The following RTL9 variants were observed in gnomAD, a reference collection of about 807,000 sequenced individuals.
RTL9 encodes retrotransposon Gag like 9, also known as retrotransposon Gag-like protein 9.
A neutral mutation model predicts 44.7 loss-of-function variants in RTL9; 19 were observed. The observed-to-expected ratio is 0.42, with a 90% confidence interval of 0.30 to 0.62. The LOEUF (loss-of-function observed/expected upper bound fraction) is 0.62. Among genes scored for constraint, RTL9 ranks in the 20% least tolerant of loss-of-function variants. The pLI is 0.16. For missense variants in RTL9, 1,105 were observed against 1,080.6 expected (o/e 1.02, Z -0.32); for synonymous variants, 407 against 398.9 (o/e 1.02, Z -0.24).
intron 1 of RTL9, among the ~76,000 whole-genome samples, chrX:110,378,055 C>T (rs1192273587): frequency 9.3e-6 from 1 of 107,416 alleles, no homozygotes; most frequent in South Asian, 4.0e-4. Context: ...TCTCAAAAAC[C>T]TCTCATCTTT....
chrX:110,409,219 A>T (rs1461929592), intron 1 of RTL9, among the ~76,000 whole-genome samples: 2 of 110,751 alleles, frequency 1.8e-5, no homozygotes, highest in Non-Finnish European at 3.8e-5. Flanking sequence ...ACTTTTGATC[A>T]CCAAAAGAAG....
chrX:110,423,564 C>T (rs559706973), intron 1 of RTL9, among the ~76,000 whole-genome samples: 2 of 111,873 alleles, frequency 1.8e-5, no homozygotes, highest in Admixed American at 1.9e-4. Flanking sequence ...ACCACTTTAA[C>T]TCAGTTTTTC....
intron 1 of RTL9, among the ~76,000 whole-genome samples, chrX:110,427,001 G>T (rs982685372): frequency 3.6e-5 from 4 of 112,263 alleles, no homozygotes; most frequent in African/African-American, 1.3e-4. Flanking sequence ...AAACCCAAGA[G>T]TTGTAGTTCA....
At chrX:110,424,661 A>G (rs1412717688) in intron 1 of RTL9, among the ~76,000 whole-genome samples, 2 of 112,107 alleles carry the variant, frequency 1.8e-5, no homozygotes, top group African/African-American at 6.5e-5. Flanking sequence ...ATACACTTGA[A>G]TTTATTAAAT....
intron 1 of RTL9, among the ~76,000 whole-genome samples, chrX:110,363,674 T>G (rs1436168191): frequency 9.0e-6 from 1 of 110,928 alleles, no homozygotes; most frequent in Non-Finnish European, 1.9e-5. Context: ...ACTGACACAT[T>G]TATTGACTTT....
chrX:110,386,947 A>G (rs2068459893), intron 1 of RTL9, among the ~76,000 whole-genome samples: 1 of 112,348 alleles, frequency 8.9e-6, no homozygotes. Context: ...CACAACAGAA[A>G]AGATGCCACA....
chrX:110,439,936 G>A (rs2068867794), intron 1 of RTL9: 1 of 110,683 alleles, frequency 9.0e-6, no homozygotes, highest in African/African-American at 3.3e-5. Flanking sequence ...ACAGGCTCCC[G>A]AATGCCTGCC....
exon 1 of RTL9, chrX:110,453,877 C>G (rs750041588): frequency 5.0e-6 from 6 of 1,212,024 alleles, no homozygotes; most frequent in Non-Finnish European, 5.6e-6. Flanking sequence ...ACACCACAGA[C>G]AGCCTTTGGA....
At chrX:110,382,678 C>T (rs916933271) in intron 1 of RTL9, among the ~76,000 whole-genome samples, 3 of 111,390 alleles carry the variant, frequency 2.7e-5, no homozygotes, top group South Asian at 7.6e-4. Context: ...TCTTAGAGTC[C>T]TCTCTTTTTC....
At chrX:110,455,139 G>C in intron 1 of RTL9, 63 bp from the exon 4 acceptor site, 2 of 1,191,723 alleles carry the variant, frequency 1.7e-6, no homozygotes, top group Non-Finnish European at 2.3e-6. Flanking sequence ...ACTTATCCAG[G>C]CAGAACACCC....
At chrX:110,376,709 C>T (rs1345286451) in intron 1 of RTL9, among the ~76,000 whole-genome samples, 1 of 112,529 alleles carries the variant, frequency 8.9e-6, no homozygotes, top group Non-Finnish European at 1.9e-5. Flanking sequence ...CTGGCAATTA[C>T]TAGCTAGCTA....
intron 1 of RTL9, among the ~76,000 whole-genome samples, chrX:110,396,673 T>G (rs2068531123): frequency 8.9e-6 from 1 of 112,400 alleles, no homozygotes; most frequent in Non-Finnish European, 1.9e-5. Context: ...CAAAGAAGAA[T>G]GGCGACACAC....
chrX:110,427,319 C>T (rs140545987), intron 1 of RTL9, among the ~76,000 whole-genome samples: 194 of 112,165 alleles, frequency 1.7e-3, no homozygotes, highest in African/African-American at 5.9e-3. Context: ...CCTCACAACA[C>T]CTGAGACTTG....
rs150336145 is a variant in RTL9, at chrX:110,442,374, G to A, written c.-167-2779G>A. Among the ~76,000 whole-genome samples, 288 of 109,375 alleles carry A rather than the reference G, an allele frequency of 2.6e-3. 4 individuals carry two copies. Among genetic ancestry groups the A allele is most frequent in the African/African-American group, 8.7e-3 (262 of 30,015 alleles). 95.0% of individuals were successfully genotyped at this position (109,375 alleles called of 115,157 possible). Reference sequence around the variant, plus strand: ...ATTAATTTTAAAAAATGTTTAAAACGTTGTACGGGTCAAATAAACTCTGTC... The same window carrying A: ...ATTAATTTTAAAAAATGTTTAAAACATTGTACGGGTCAAATAAACTCTGTC... On this transcript the variant is annotated intron_variant, in intron 1 of 3. Coordinates refer to the RTL9 transcript ENST00000465301.
chrX:110,434,328 C>T (rs972181762), intron 1 of RTL9, among the ~76,000 whole-genome samples: 3 of 111,294 alleles, frequency 2.7e-5, no homozygotes, highest in Non-Finnish European at 3.8e-5. Flanking sequence ...AAGGCAGATT[C>T]GGGACAGACT....
At chrX:110,394,091 C>T (rs1029432823) in intron 1 of RTL9, among the ~76,000 whole-genome samples, 4 of 112,319 alleles carry the variant, frequency 3.6e-5, no homozygotes, top group Middle Eastern at 4.2e-3. Flanking sequence ...TTGCTACAAC[C>T]GCTGTCACTC....
chrX:110,445,761 T>C (rs1486174016), upstream of RTL9, among the ~76,000 whole-genome samples: 1 of 112,077 alleles, frequency 8.9e-6, no homozygotes, highest in African/African-American at 3.2e-5. Context: ...TAAACTCAAT[T>C]ACCTTTTGTG....
At chrX:110,432,808 A>C (rs1335879129) in intron 1 of RTL9, among the ~76,000 whole-genome samples, 1 of 112,628 alleles carries the variant, frequency 8.9e-6, no homozygotes, top group African/African-American at 3.2e-5. Flanking sequence ...GTGAAGTCCC[A>C]GCACTTGAAA....
chrX:110,403,023 C>T (rs779292412), intron 1 of RTL9, among the ~76,000 whole-genome samples: 1 of 111,760 alleles, frequency 8.9e-6, no homozygotes, highest in African/African-American at 3.3e-5. Context: ...TCCAGATAAG[C>T]AGAAGCTCAG....
Sources: allele counts gnomAD v4.1 joint callset (sites outside exome capture counted in the v4.1 genomes callset), GRCh38; gene constraint gnomAD v4.1.1; transcripts MANE v1.5; gene names NCBI Gene and HGNC (gene_info 2026-07-23, HGNC 2026-07-21).